Variants in CSMD1 observed in about 807,000 individuals in gnomAD.
CSMD1 encodes the protein CUB and sushi domain-containing protein 1.
A neutral mutation model predicts 417.5 loss-of-function variants in CSMD1; 213 were observed. That is an observed-to-expected ratio of 0.51 (90% CI 0.46 to 0.57). The LOEUF (loss-of-function observed/expected upper bound fraction) is 0.57. Among genes scored for constraint, CSMD1 ranks in the 20% least tolerant of loss-of-function variants. The pLI is 0.00. For missense variants in CSMD1, 6,923 were observed against 4,529.7 expected (o/e 1.53, Z -15.17); for synonymous variants, 2,862 against 1,736.8 (o/e 1.65, Z -16.11).
At chr8:3,460,325 T>C (rs150256940) in intron 12 of CSMD1, among the ~76,000 whole-genome samples, 55 of 152,210 alleles carry the variant, frequency 3.6e-4, no homozygotes, top group African/African-American at 1.1e-3. Flanking sequence ...GATCAGGAAG[T>C]TCCATGGGAC....
chr8:3,533,706 G>C (rs556127236), intron 10 of CSMD1, among the ~76,000 whole-genome samples: 14 of 152,206 alleles, frequency 9.2e-5, no homozygotes, highest in African/African-American at 3.4e-4. Context: ...TGCCTCCACC[G>C]TGATGTATCA....
chr8:3,714,569 A>AAAAAAAAAAAAAAAC (rs1801720242), intron 6 of CSMD1, among the ~76,000 whole-genome samples: 1 of 145,658 alleles, frequency 6.9e-6, no homozygotes, highest in East Asian at 2.0e-4. Context: ...CCCAAAAAAA[A>AAAAAAAAAAAAAAAC]AAAAAAAAAA....
At chr8:3,418,435 G>C (rs1813292335) in intron 12 of CSMD1, among the ~76,000 whole-genome samples, 1 of 152,160 alleles carries the variant, frequency 6.6e-6, no homozygotes, top group Non-Finnish European at 1.5e-5. Flanking sequence ...CTGGATGTCA[G>C]AGAGCACTTA....
At chr8:4,539,889 GAGGT>G (rs1260951013) in intron 2 of CSMD1, among the ~76,000 whole-genome samples, 2 of 152,124 alleles carry the variant, frequency 1.3e-5, no homozygotes, top group Admixed American at 1.3e-4. Context: ...GAACCCCAGA[GAGGT>G]TGGGTGTGCG....
chr8:4,068,008 G>C (rs951299966), intron 3 of CSMD1, among the ~76,000 whole-genome samples: 1 of 152,040 alleles, frequency 6.6e-6, no homozygotes, highest in African/African-American at 2.4e-5. Context: ...ACCCTGAGTG[G>C]GGGCGAAGGT....
intron 3 of CSMD1, among the ~76,000 whole-genome samples, chr8:4,112,981 G>A (rs1353041548): frequency 1.3e-5 from 2 of 152,250 alleles, no homozygotes; most frequent in South Asian, 4.1e-4. Flanking sequence ...TATTTCAAAA[G>A]TTGTTGTTAT....
At position 3,709,680 on chromosome 8, in the gene CSMD1, G is replaced by GGCTT. The variant is rs1554518393; in HGVS notation, c.932-1190_932-1189insAAGC. 9.5e-4 allele frequency among the ~76,000 whole-genome samples: 32 copies of GGCTT among 33,696 alleles called. 6 individuals are homozygous for GGCTT. Among genetic ancestry groups the GGCTT allele is most frequent in the African/African-American group, 8.5e-4 (8 of 9,450 alleles). 22.1% of individuals were successfully genotyped at this position (33,696 alleles called of 152,430 possible). A position where few individuals can be genotyped will look rare whatever the true frequency, so the allele number is the denominator to read the frequency against. On this transcript the variant is annotated intron_variant, in intron 6 of 69. Transcript: ENST00000635120. ...GATGGGCTTTAAATTGCAGCAGCAT[G>GGCTT]TTTTTTTTTTTTTTTTTTTTTTTTT...
At chr8:4,027,344 G>A (rs1033375677) in intron 4 of CSMD1, among the ~76,000 whole-genome samples, 2 of 152,152 alleles carry the variant, frequency 1.3e-5, no homozygotes, top group African/African-American at 2.4e-5. Flanking sequence ...TGTCCTCACC[G>A]AAAATTTCAC....
chr8:4,701,066 A>G lies in CSMD1; in HGVS notation c.86-63508T>C, dbSNP rs149547077. ...TATGAGTACATAAAACATCTGATAG[A>G]TGAGTTTTATTGAAATTAAGGGTAG... On this transcript the variant is annotated intron_variant, in intron 1 of 69. Transcript: ENST00000635120. Among the ~76,000 whole-genome samples, 165 of 152,270 alleles carry G rather than the reference A, an allele frequency of 1.1e-3. 1 individual carries two copies. Among genetic ancestry groups the G allele is most frequent in the East Asian group, 2.1e-3 (11 of 5,158 alleles).
chr8:4,985,131 G>C (rs1024803719), intron 1 of CSMD1, among the ~76,000 whole-genome samples: 19 of 152,150 alleles, frequency 1.2e-4, no homozygotes, highest in Admixed American at 1.2e-3. Context: ...AAATACCACT[G>C]TTCTCACTTA....
intron 5 of CSMD1, among the ~76,000 whole-genome samples, chr8:3,934,965 A>T (rs1234017073): frequency 6.6e-6 from 1 of 152,040 alleles, no homozygotes; most frequent in Non-Finnish European, 1.5e-5. Flanking sequence ...CAAAAAACTA[A>T]CCAGGCACCC....
chr8:4,276,858 T>G (rs559368612), intron 3 of CSMD1, among the ~76,000 whole-genome samples: 3 of 152,164 alleles, frequency 2.0e-5, no homozygotes, highest in Non-Finnish European at 4.4e-5. Context: ...ATTTCCTTAA[T>G]CAGAAAATAA....
At chr8:4,451,647 A>G (rs916853337) in intron 2 of CSMD1, among the ~76,000 whole-genome samples, 1 of 152,170 alleles carries the variant, frequency 6.6e-6, no homozygotes, top group Non-Finnish European at 1.5e-5. Flanking sequence ...TAATGTTAGG[A>G]TACATTCCTT....
chr8:4,109,927 A>C (rs1303897240), intron 3 of CSMD1, among the ~76,000 whole-genome samples: 3 of 152,162 alleles, frequency 2.0e-5, no homozygotes, highest in Non-Finnish European at 4.4e-5. Flanking sequence ...CAGAAAATGA[A>C]ATAAGATCAT....
chr8:3,197,952 G>C (rs1176424087), intron 33 of CSMD1, among the ~76,000 whole-genome samples: 1 of 152,132 alleles, frequency 6.6e-6, no homozygotes, highest in Non-Finnish European at 1.5e-5. Context: ...AAACACACTA[G>C]TAGGAGCAAA....
At chr8:3,290,145 A>G (rs7833536) in intron 25 of CSMD1, among the ~76,000 whole-genome samples, 93,716 of 141,814 alleles carry the variant, frequency 0.66, 32,967 homozygotes, top group Middle Eastern at 0.78. Flanking sequence ...GTAGATATGC[A>G]GCATTATTTC....
chr8:3,586,382 T>G (rs1800603039), intron 8 of CSMD1, 122 bp from the exon 9 acceptor site: 6 of 901,708 alleles, frequency 6.7e-6, no homozygotes, highest in Non-Finnish European at 9.7e-6. Context: ...CCTAAGACAT[T>G]AAGCAACTCA....
At chr8:3,822,486 G>C (rs1249438431) in intron 5 of CSMD1, among the ~76,000 whole-genome samples, 1 of 152,204 alleles carries the variant, frequency 6.6e-6, no homozygotes, top group African/African-American at 2.4e-5. Flanking sequence ...TTTCAGGATA[G>C]ACAAGAGCTG....
At chr8:3,752,382 C>T (rs928212988) in intron 6 of CSMD1, among the ~76,000 whole-genome samples, 11 of 152,092 alleles carry the variant, frequency 7.2e-5, no homozygotes, top group Non-Finnish European at 7.4e-5. Context: ...GCGCTGGGTA[C>T]GGTGGCTCAC....
Sources: allele counts gnomAD v4.1 joint callset (sites outside exome capture counted in the v4.1 genomes callset), GRCh38; gene constraint gnomAD v4.1.1; transcripts MANE v1.5; gene names NCBI Gene and HGNC (gene_info 2026-07-23, HGNC 2026-07-21).